FSD1L: variants seen among roughly 807,000 people sequenced by gnomAD.
FSD1L encodes the protein FSD1-like protein.
A neutral mutation model predicts 71.6 loss-of-function variants in FSD1L; 45 were observed. The observed-to-expected ratio is 0.63, with a 90% CI of 0.49 to 0.81. The LOEUF (loss-of-function observed/expected upper bound fraction) is 0.81, where lower values mean the gene tolerates loss of function less well. Among genes scored for constraint, FSD1L ranks in the 30% least tolerant of loss-of-function variants. FSD1L has a pLI of 0.00. For synonymous variants in FSD1L, 197 were observed against 207.2 expected, an observed-to-expected ratio of 0.95 and a Z score of 0.42; for missense variants, 561 against 618.1, an observed-to-expected ratio of 0.91 and a Z score of 0.98.
At chr9:105,482,537 C>T (rs1196747527) in intron 6 of FSD1L, among the ~76,000 whole-genome samples, 6 of 152,148 alleles carry the variant, frequency 3.9e-5, no homozygotes, top group Non-Finnish European at 8.8e-5. Context: ...CATACCTAGC[C>T]TTCTGGATCC....
intron 7 of FSD1L, among the ~76,000 whole-genome samples, chr9:105,486,482 A>G (rs903169964): frequency 1.3e-5 from 2 of 152,160 alleles, no homozygotes; most frequent in African/African-American, 2.4e-5. Context: ...CACTCTTGGG[A>G]GATAGGGACT....
At chr9:105,484,793 T>G (rs142911491) in intron 7 of FSD1L, among the ~76,000 whole-genome samples, 2 of 152,272 alleles carry the variant, frequency 1.3e-5, no homozygotes, top group Non-Finnish European at 2.9e-5. Flanking sequence ...CTTCTTAGGT[T>G]TGAATCCTAT....
At chr9:105,510,726 A>G (rs1242558375) in intron 9 of FSD1L, among the ~76,000 whole-genome samples, 4 of 152,172 alleles carry the variant, frequency 2.6e-5, no homozygotes, top group Non-Finnish European at 5.9e-5. Flanking sequence ...TATTTAGAGT[A>G]TATTATTAGT....
At chr9:105,519,972 G>T (rs1360393294) in intron 10 of FSD1L, among the ~76,000 whole-genome samples, 2 of 152,220 alleles carry the variant, frequency 1.3e-5, no homozygotes, top group African/African-American at 4.8e-5. Context: ...GGCGGCCCTG[G>T]CCTGGATCGG....
At chr9:105,491,691 G>GA (rs1331856469) in intron 7 of FSD1L, among the ~76,000 whole-genome samples, 1 of 152,002 alleles carries the variant, frequency 6.6e-6, no homozygotes, top group Admixed American at 6.6e-5. Flanking sequence ...CTAATTTATT[G>GA]AGAGTTTTTA....
chr9:105,523,869 G>T, intron 10 of FSD1L: 1 of 1,594,242 alleles, frequency 6.3e-7, no homozygotes, highest in East Asian at 2.2e-5. Context: ...TGGTTTGCCT[G>T]GTGCCACAAT....
At chr9:105,528,656 A>T (rs550789562) in intron 10 of FSD1L, among the ~76,000 whole-genome samples, 1 of 152,328 alleles carries the variant, frequency 6.6e-6, no homozygotes, top group South Asian at 2.1e-4. Flanking sequence ...ACTTAAAGAT[A>T]AGACCTAAAA....
chr9:105,461,696 C>G, intron 2 of FSD1L, 81 bp downstream of exon 2: 1 of 807,820 alleles, frequency 1.2e-6, no homozygotes, highest in Non-Finnish European at 2.0e-6. Flanking sequence ...TTTGACTATA[C>G]TCATTAAAAA....
chr9:105,465,778 A>T (rs1588939733), intron 3 of FSD1L, among the ~76,000 whole-genome samples: 1 of 152,260 alleles, frequency 6.6e-6, no homozygotes, highest in East Asian at 1.9e-4. Flanking sequence ...GGCCATATGT[A>T]TAATAACAAT....
At position 105,519,779 on chromosome 9, in the gene FSD1L, C is replaced by G. The variant is rs549987043; in HGVS notation, c.1025+6843C>G. On this transcript the variant is annotated intron_variant, in intron 10 of 13. Transcript: ENST00000481272. ...GTGCTGCTGCCTCCGAGAGCTCCAC[C>G]TTCGTGGCTCTGGATCCGGGGCCCC... Among the ~76,000 whole-genome samples the G allele has an allele frequency of 2.6e-5, 4 of 152,320 alleles. No homozygotes were observed. In the South Asian group the frequency reaches 8.3e-4, roughly 32 times the overall value.
At chr9:105,524,983 G>C (rs989467836) in intron 10 of FSD1L, 2 of 1,603,950 alleles carry the variant, frequency 1.2e-6, no homozygotes, top group African/African-American at 1.3e-5. Context: ...GATCAGAAGA[G>C]AATATGCCTG....
chr9:105,485,196 A>T (rs1832453922), intron 7 of FSD1L, among the ~76,000 whole-genome samples: 1 of 152,184 alleles, frequency 6.6e-6, no homozygotes, highest in African/African-American at 2.4e-5. Context: ...TAATTTATAT[A>T]AAGAAAAGAG....
chr9:105,455,159 G>T (rs1250515704), intron 1 of FSD1L, among the ~76,000 whole-genome samples: 1 of 152,174 alleles, frequency 6.6e-6, no homozygotes, highest in Admixed American at 6.5e-5. Flanking sequence ...GAATGATCCT[G>T]TATGGCAGAC....
chr9:105,522,117 C>T (rs1835208129), intron 10 of FSD1L: 1 of 1,613,856 alleles, frequency 6.2e-7, no homozygotes, highest in East Asian at 2.2e-5. Context: ...ACCACTTTTC[C>T]AGACCCTTAT....
intron 13 of FSD1L, among the ~76,000 whole-genome samples, chr9:105,543,503 A>G (rs1395278206): frequency 6.6e-6 from 1 of 152,156 alleles, no homozygotes; most frequent in Non-Finnish European, 1.5e-5. Flanking sequence ...TTATATATGT[A>G]TACATGTGCC....
rs746643326 is a variant in FSD1L at position 105,484,511 on chromosome 9, A to G, written c.586+9A>G. On this transcript the variant is annotated intron_variant, in intron 7 of 13. Transcript: ENST00000481272. ...TTTGAAGTTTTTGCCAGGTAAATAC[A>G]TGTATTACATGTAAAGTTTTGTATA... 2 of 1,472,464 alleles carry G rather than the reference A, an allele frequency of 1.4e-6. No homozygotes were observed. The highest frequency in any genetic ancestry group is 1.8e-6 in the Non-Finnish European group (2 of 1,114,310). 91.2% of individuals were successfully genotyped at this position (1,472,464 alleles called of 1,614,324 possible).
intron 3 of FSD1L, among the ~76,000 whole-genome samples, chr9:105,466,418 A>G (rs1831072888): frequency 6.6e-6 from 1 of 152,192 alleles, no homozygotes; most frequent in East Asian, 1.9e-4. Context: ...AACCAGAATA[A>G]CCAAAATTAT....
In FSD1L at chr9:105,468,263, T is replaced by G; in HGVS notation, c.278T>G (p.Val93Gly). Reference sequence around the variant, plus strand: ...AGTTTATACTCTATACTGGATGAAGTAAAAGAAAGTATGATTAACTGTATC... The same window carrying G: ...AGTTTATACTCTATACTGGATGAAGGAAAAGAAAGTATGATTAACTGTATC... ...FDSLYSILDE[V>G]KESMINCIKQ... is the part of the protein sequence containing the mutation. The change falls in exon 4 of 14, where the codon GTA becomes GGA. Residue 93 changes from valine to glycine, a missense_variant. Val to Gly is a moderately radical substitution (Grantham distance 109, BLOSUM62 -3). Transcript: ENST00000481272. 6.7e-7 allele frequency: 1 copy of G among 1,484,824 alleles called. No homozygotes were observed. Among genetic ancestry groups the G allele is most frequent in the Non-Finnish European group, 8.9e-7 (1 of 1,123,128 alleles). 92.0% of individuals were successfully genotyped at this position (1,484,824 alleles called of 1,614,324 possible).
chr9:105,506,942 T>G (rs1480445158), intron 8 of FSD1L, among the ~76,000 whole-genome samples: 2 of 152,150 alleles, frequency 1.3e-5, no homozygotes, highest in African/African-American at 2.4e-5. Context: ...TAGCTAATTT[T>G]TGTATTTGTT....
Sources: gnomAD v4.1 joint callset for allele counts (sites outside exome capture counted in the v4.1 genomes callset) on GRCh38, gnomAD v4.1.1 for gene constraint, MANE v1.5 for transcripts, NCBI Gene and HGNC (gene_info 2026-07-23, HGNC 2026-07-21) for gene names.